EYA2: variants seen among roughly 807,000 people sequenced by gnomAD.
The protein encoded by EYA2 is EYA transcriptional coactivator and phosphatase 2.
Under a neutral mutation model 69.2 loss-of-function variants are expected in EYA2, and 31 were observed. That is an observed-to-expected ratio of 0.45 (90% CI 0.34 to 0.60). EYA2 has a LOEUF of 0.60. Ranked by LOEUF, EYA2 falls within the 20% of genes least tolerant of loss-of-function variation. EYA2 has a pLI of 0.02. For missense variants in EYA2, 622 were observed against 701.2 expected, an observed-to-expected ratio of 0.89 and a Z score of 1.28; for synonymous variants, 257 against 279.4, an observed-to-expected ratio of 0.92 and a Z score of 0.80.
intron 1 of EYA2, among the ~76,000 whole-genome samples, chr20:46,915,060 G>A (rs1275669968): frequency 6.6e-6 from 1 of 152,196 alleles, no homozygotes; most frequent in Non-Finnish European, 1.5e-5. Flanking sequence ...TGTTCACCAG[G>A]AGGCCAGTCT....
intron 5 of EYA2, among the ~76,000 whole-genome samples, chr20:47,041,715 C>T (rs1030228825): frequency 1.3e-4 from 20 of 152,244 alleles, no homozygotes; most frequent in Non-Finnish European, 1.9e-4. Flanking sequence ...GCCATGACCA[C>T]GGGAGGGGAG....
At chr20:47,046,219 A>G (rs2030029510) in intron 5 of EYA2, among the ~76,000 whole-genome samples, 1 of 152,156 alleles carries the variant, frequency 6.6e-6, no homozygotes, top group Non-Finnish European at 1.5e-5. Flanking sequence ...TTCTTTTATA[A>G]TCACCTTCAT....
intron 3 of EYA2, among the ~76,000 whole-genome samples, chr20:47,002,391 G>A (rs1037445013): frequency 6.6e-6 from 1 of 152,052 alleles, no homozygotes; most frequent in Non-Finnish European, 1.5e-5. Context: ...AGTGTGTGTT[G>A]TACCCCTCCC....
chr20:46,960,977 C>A (rs961317361), intron 1 of EYA2, among the ~76,000 whole-genome samples: 4 of 152,176 alleles, frequency 2.6e-5, no homozygotes, highest in African/African-American at 9.7e-5. Context: ...AGAAGGCTGA[C>A]TCCCCACCTC....
chr20:47,099,367 T>TA (rs1362016393), intron 9 of EYA2, among the ~76,000 whole-genome samples: 1 of 152,152 alleles, frequency 6.6e-6, no homozygotes, highest in East Asian at 1.9e-4. Context: ...CCCATCTCTT[T>TA]AAAAAACTTA....
In EYA2 at chr20:46,929,772, C is replaced by T. The variant is rs76926916; in HGVS notation, c.-11+34785C>T. On this transcript the variant is annotated intron_variant, in intron 1 of 15. Transcript: ENST00000327619. ...CTGTAATCCTAGTGCATTGAGAGACCGAGGTGAGAGGATTGTTTGAGCCCA... is the reference window on the plus strand; with the variant it reads ...CTGTAATCCTAGTGCATTGAGAGACTGAGGTGAGAGGATTGTTTGAGCCCA... Among the ~76,000 whole-genome samples, 802 of 151,576 alleles carry T rather than the reference C, an allele frequency of 5.3e-3. 11 individuals are homozygous for T. Among genetic ancestry groups the T allele is most frequent in the African/African-American group, 0.018 (739 of 41,288 alleles).
At chr20:47,047,067 C>CA (rs2030076948) in intron 5 of EYA2, among the ~76,000 whole-genome samples, 1 of 152,172 alleles carries the variant, frequency 6.6e-6, no homozygotes, top group African/African-American at 2.4e-5. Context: ...GTACATTTCT[C>CA]AAAGAATGAT....
chr20:46,951,020 A>G (rs999045163), intron 1 of EYA2, among the ~76,000 whole-genome samples: 1 of 152,174 alleles, frequency 6.6e-6, no homozygotes, highest in African/African-American at 2.4e-5. Flanking sequence ...TGGGGTCTTT[A>G]TACCCCACAT....
At chr20:47,015,453 C>T (rs1476153380) in intron 4 of EYA2, among the ~76,000 whole-genome samples, 1 of 152,064 alleles carries the variant, frequency 6.6e-6, no homozygotes, top group East Asian at 1.9e-4. Flanking sequence ...GAGTGTCTTA[C>T]AGTTAAGTGA....
At chr20:47,061,143 C>T (rs1352962858) in intron 5 of EYA2, among the ~76,000 whole-genome samples, 1 of 152,092 alleles carries the variant, frequency 6.6e-6, no homozygotes, top group Non-Finnish European at 1.5e-5. Flanking sequence ...CATGAGCCAC[C>T]GCACCCAGCC....
intron 9 of EYA2, among the ~76,000 whole-genome samples, chr20:47,125,837 G>T (rs1370401935): frequency 6.6e-6 from 1 of 152,000 alleles, no homozygotes; most frequent in Non-Finnish European, 1.5e-5. Flanking sequence ...AGACCCAGTT[G>T]GCTTGGATAG....
chr20:47,094,045 C>T (rs980732053), intron 8 of EYA2, among the ~76,000 whole-genome samples: 3 of 152,172 alleles, frequency 2.0e-5, no homozygotes, highest in Admixed American at 6.5e-5. Flanking sequence ...TGGTTAAGGA[C>T]GCACCCTGGT....
At chr20:47,039,440 C>T (rs1305036568) in intron 5 of EYA2, among the ~76,000 whole-genome samples, 3 of 152,214 alleles carry the variant, frequency 2.0e-5, no homozygotes, top group Non-Finnish European at 2.9e-5. Flanking sequence ...AGAACTGGGT[C>T]ATTGCAACCA....
intron 1 of EYA2, among the ~76,000 whole-genome samples, chr20:46,987,468 G>A (rs1981306869): frequency 6.6e-6 from 1 of 152,122 alleles, no homozygotes; most frequent in African/African-American, 2.4e-5. Flanking sequence ...CCCCCCAGGT[G>A]CCACTTCCAA....
At chr20:46,954,498 G>A (rs1978996438) in intron 1 of EYA2, among the ~76,000 whole-genome samples, 1 of 152,210 alleles carries the variant, frequency 6.6e-6, no homozygotes. Context: ...GTGGTTTGTG[G>A]ACAAAAGATT....
intron 5 of EYA2, among the ~76,000 whole-genome samples, chr20:47,021,130 G>A (rs1983720514): frequency 6.6e-6 from 1 of 152,196 alleles, no homozygotes; most frequent in African/African-American, 2.4e-5. Context: ...CTCTCTAAAC[G>A]TTAATTATCG....
At chr20:46,913,802 G>A (rs759094201) in intron 1 of EYA2, among the ~76,000 whole-genome samples, 1 of 152,190 alleles carries the variant, frequency 6.6e-6, no homozygotes, top group Non-Finnish European at 1.5e-5. Context: ...GGACAGTGGA[G>A]GGAGGAGCAG....
chr20:47,026,064 T>C (rs943445582), intron 5 of EYA2, among the ~76,000 whole-genome samples: 1 of 152,248 alleles, frequency 6.6e-6, no homozygotes, highest in Non-Finnish European at 1.5e-5. Flanking sequence ...AAAGCTTCAA[T>C]AATCAAAGCA....
intron 5 of EYA2, among the ~76,000 whole-genome samples, chr20:47,050,055 C>G (rs2030249305): frequency 6.6e-6 from 1 of 152,174 alleles, no homozygotes; most frequent in South Asian, 2.1e-4. Context: ...TTTCCAGGGG[C>G]TGCACGATGC....
Sources: allele counts gnomAD v4.1 joint callset (sites outside exome capture counted in the v4.1 genomes callset), GRCh38; gene constraint gnomAD v4.1.1; transcripts MANE v1.5; gene names NCBI Gene and HGNC (gene_info 2026-07-23, HGNC 2026-07-21).